The following TBC1D2 variants were observed in gnomAD, a reference collection of about 807,000 sequenced individuals.
The protein encoded by TBC1D2 is TBC1 domain family member 2, also known as TBC1 domain family member 2A.
A neutral mutation model predicts 91.1 loss-of-function variants in TBC1D2; 58 were observed. That is an observed-to-expected ratio of 0.64 (90% CI 0.52 to 0.79). The LOEUF (loss-of-function observed/expected upper bound fraction) is 0.79, where lower values mean the gene tolerates loss of function less well. TBC1D2 is among the 30% of genes least tolerant of loss of function. The pLI, the probability that TBC1D2 is intolerant of heterozygous loss-of-function variation, is 0.00. For missense variants in TBC1D2, 1,080 were observed against 1,208.3 expected (o/e 0.89, Z 1.57); for synonymous variants, 482 against 511.5 (o/e 0.94, Z 0.78).
Position 98,221,127 on chromosome 9 carries a change from C to T in TBC1D2, c.1080G>A (p.Glu360=). Reference sequence around the variant, plus strand: ...TCTGCCGCACTTTGTGCCGCACCAGCTCCAGCCGGTCCTTGTCCTCAGCCG... The same window carrying T: ...TCTGCCGCACTTTGTGCCGCACCAGTTCCAGCCGGTCCTTGTCCTCAGCCG... The part of the protein sequence containing the change: ...LAAAEDKDRL[E]LVRHKVRQIA... Residue 360 remains glutamate, a synonymous_variant, in exon 6 of 13, where the codon GAG becomes GAA. Coordinates refer to ENST00000465784, the MANE Select transcript of TBC1D2 (RefSeq NM_001267571.2). The T allele has an allele frequency of 6.3e-7, 1 of 1,590,580 alleles. No individual in the cohort carries two copies. Among genetic ancestry groups the T allele is most frequent in the Non-Finnish European group, 8.6e-7 (1 of 1,169,318 alleles).
chr9:98,245,332 G>A (rs1011388573), intron 2 of TBC1D2, among the ~76,000 whole-genome samples: 3 of 152,158 alleles, frequency 2.0e-5, no homozygotes, highest in Non-Finnish European at 4.4e-5. Context: ...ACTTTGGGAG[G>A]CTGAGCTGGG....
chr9:98,228,978 G>A lies in TBC1D2; in HGVS notation c.952C>T (p.Leu318Phe), dbSNP rs778157051. ...TTCTGAGACTTTAACTCCTTGGTGA[G>A]CATCAGAACCTGTTGCTCCAAGGCT... ...VAALEQQVLMLTKELKSQKEL... is the reference protein window; with the variant it reads ...VAALEQQVLMFTKELKSQKEL... The change falls in exon 5 of 13, where the codon CTC becomes TTC. Residue 318 changes from leucine to phenylalanine, a missense_variant. Coordinates refer to ENST00000465784, the MANE Select transcript of TBC1D2 (RefSeq NM_001267571.2). The surrounding 1 kb of genome is among the most constrained non-coding windows in gnomAD (Gnocchi z 4.0). 4 of 1,613,876 alleles carry A rather than the reference G, an allele frequency of 2.5e-6. No homozygotes were observed. The South Asian group carries it at 4.4e-5, about 18-fold the overall frequency.
intron 5 of TBC1D2, among the ~76,000 whole-genome samples, chr9:98,222,234 C>T (rs1284690385): frequency 1.3e-5 from 2 of 152,196 alleles, no homozygotes; most frequent in East Asian, 3.8e-4. Context: ...GCAGACATCA[C>T]TAATTAATCT....
intron 6 of TBC1D2, among the ~76,000 whole-genome samples, chr9:98,217,931 G>T (rs1429766293): frequency 1.3e-5 from 2 of 152,004 alleles, no homozygotes; most frequent in Admixed American, 6.6e-5. Flanking sequence ...GCCTAGGCTG[G>T]TCATGAACTC....
chr9:98,232,524 C>T (rs1318592180), intron 4 of TBC1D2, among the ~76,000 whole-genome samples: 3 of 151,960 alleles, frequency 2.0e-5, no homozygotes, highest in Admixed American at 6.6e-5. Flanking sequence ...CCCTGTGTTG[C>T]CCAGGCTTGT....
chr9:98,232,340 C>CTTTTTTTTTTTTTTTTTTTTTTTTT (rs1554754378), intron 4 of TBC1D2, among the ~76,000 whole-genome samples: 1 of 52,048 alleles, frequency 1.9e-5, no homozygotes, highest in African/African-American at 1.6e-4. Flanking sequence ...TTCTCTTTTT[C>CTTTTTTTTTTTTTTTTTTTTTTTTT]TGTTTTTTTT....
In TBC1D2 at chr9:98,244,098, C is replaced by T; in HGVS notation, c.543G>A (p.Leu181=). The T allele has an allele frequency of 6.2e-7, 1 of 1,613,308 alleles. No homozygotes were observed. Among genetic ancestry groups the T allele is most frequent in the African/African-American group, 1.3e-5 (1 of 75,036 alleles). ...GCCCAGGGGGTGTTTTCACAGGGCA[C>T]AGGAACTCCTCCAGCTCTGCCTCTT... The part of the protein sequence containing the change: ...GQEEAELEEF[L]CPVKTPPGLV... Residue 181 remains leucine, a synonymous_variant, in exon 3 of 13, where the codon CTG becomes CTA. Transcript: ENST00000465784.
intron 2 of TBC1D2, 79 bp downstream of exon 2, chr9:98,251,706 C>G (rs1011391594): frequency 6.1e-6 from 9 of 1,463,450 alleles, no homozygotes; most frequent in Non-Finnish European, 6.3e-6. Flanking sequence ...GGGCTCCTCC[C>G]GCTCATTCCC....
intron 2 of TBC1D2, among the ~76,000 whole-genome samples, chr9:98,247,369 A>AT (rs1191549973): frequency 6.6e-6 from 1 of 151,592 alleles, no homozygotes; most frequent in Non-Finnish European, 1.5e-5. Flanking sequence ...AAACAAAAAA[A>AT]AAAACAAGAA....
At chr9:98,232,473 T>C (rs560835704) in intron 4 of TBC1D2, among the ~76,000 whole-genome samples, 2 of 151,794 alleles carry the variant, frequency 1.3e-5, no homozygotes, top group East Asian at 1.9e-4. Context: ...GCTTGCACCA[T>C]GATCAGCTAA....
intron 3 of TBC1D2, among the ~76,000 whole-genome samples, chr9:98,239,014 T>C (rs1829574732): frequency 6.6e-6 from 1 of 152,212 alleles, no homozygotes; most frequent in South Asian, 2.1e-4. Flanking sequence ...TGAGCCACTG[T>C]GCCTGGCCTC....
intron 1 of TBC1D2, among the ~76,000 whole-genome samples, chr9:98,253,493 C>T (rs1009235870): frequency 6.6e-6 from 1 of 152,250 alleles, no homozygotes; most frequent in African/African-American, 2.4e-5. Flanking sequence ...GCTTTTGCTA[C>T]TTGGCCTAAT....
At chr9:98,247,344 AAAAC>A (rs1004488336) in intron 2 of TBC1D2, among the ~76,000 whole-genome samples, 1 of 148,874 alleles carries the variant, frequency 6.7e-6, no homozygotes, top group East Asian at 2.0e-4. Context: ...AAAAAAAACA[AAAAC>A]AAACACAAAC....
chr9:98,203,276 G>T lies in TBC1D2; in HGVS notation c.2271+12C>A. On this transcript the variant is annotated intron_variant, in intron 10 of 12. Transcript: ENST00000465784. ...CTACATGGCTGCAAAGTCCCCTCCT[G>T]GCCCCACTTACCTGGGATGCCGTCA... 1 of 1,614,098 alleles carries T rather than the reference G, an allele frequency of 6.2e-7. No homozygotes were observed. Among genetic ancestry groups the T allele is most frequent in the East Asian group, 2.2e-5 (1 of 44,890 alleles).
At chr9:98,230,858 G>C (rs1169336973) in intron 4 of TBC1D2, among the ~76,000 whole-genome samples, 1 of 152,194 alleles carries the variant, frequency 6.6e-6, no homozygotes, top group Non-Finnish European at 1.5e-5. Flanking sequence ...TTTAGCCTGG[G>C]CAACAGAGCG....
chr9:98,210,660 TG>T lies in TBC1D2; in HGVS notation c.1668del (p.Ile557SerfsTer10). ...EASSDSIELSPISKYDEYGFL... is the reference protein window; with the variant it reads ...EASSDSIELSXISKYDEYGFL... ...TTCCTGGGCCGCCAGGCTCACCTGA[TG>T]GGGCTCAGCTCGATGCTGTCAGATG... On this transcript the variant is annotated frameshift_variant, in exon 8 of 13. Coordinates refer to ENST00000465784, the MANE Select transcript of TBC1D2 (RefSeq NM_001267571.2). LOFTEE classifies it high-confidence loss of function. 1 of 1,587,366 alleles carries T rather than the reference TG, an allele frequency of 6.3e-7. No individual in the cohort carries two copies. The highest frequency in any genetic ancestry group is 8.6e-7 in the Non-Finnish European group (1 of 1,164,152).
intron 5 of TBC1D2, among the ~76,000 whole-genome samples, chr9:98,223,466 G>C (rs1829148032): frequency 6.6e-6 from 1 of 152,246 alleles, no homozygotes; most frequent in Admixed American, 6.5e-5. Context: ...GGGCTCAGTG[G>C]AGAGAGATTA....
intron 7 of TBC1D2, among the ~76,000 whole-genome samples, chr9:98,212,824 T>C (rs1828880827): frequency 6.6e-6 from 1 of 152,078 alleles, no homozygotes; most frequent in South Asian, 2.1e-4. Context: ...CTTGATTGGG[T>C]TACACTCCCT....
At chr9:98,227,851 G>A (rs1228851934) in intron 5 of TBC1D2, among the ~76,000 whole-genome samples, 2 of 151,970 alleles carry the variant, frequency 1.3e-5, no homozygotes, top group African/African-American at 4.8e-5. Context: ...CCTGAGATCT[G>A]CTGACAGTGG....
Sources: allele counts gnomAD v4.1 joint callset (sites outside exome capture counted in the v4.1 genomes callset), GRCh38; gene constraint gnomAD v4.1.1; non-coding constraint Gnocchi (gnomAD v3.1); transcripts MANE v1.5; gene names NCBI Gene and HGNC (gene_info 2026-07-23, HGNC 2026-07-21).